The following ASXL3 variants were observed in gnomAD, a reference collection of about 807,000 sequenced individuals.
ASXL3 encodes the protein ASXL transcriptional regulator 3.
Under a neutral mutation model 170.6 loss-of-function variants are expected in ASXL3, and 34 were observed. That is an observed-to-expected ratio of 0.20 (90% confidence interval 0.15 to 0.27). ASXL3 has a LOEUF of 0.27. Among genes scored for constraint, ASXL3 ranks in the 10% least tolerant of loss-of-function variants. The probability of loss-of-function intolerance (pLI) is 1.00; values close to 1 mark genes in which losing one functional copy is unlikely to be tolerated. For synonymous variants in ASXL3, 1,002 were observed against 989.1 expected (o/e 1.01, Z -0.24); for missense variants, 2,592 against 2,695.3 (o/e 0.96, Z 0.85).
At chr18:33,657,002 C>T (rs2066094787) in intron 4 of ASXL3, among the ~76,000 whole-genome samples, 1 of 152,100 alleles carries the variant, frequency 6.6e-6, no homozygotes, top group South Asian at 2.1e-4. Flanking sequence ...ATCGACTGCT[C>T]TGTGCCCATC....
Position 33,743,340 on chromosome 18 carries a change from C to G in ASXL3, c.3492C>G (p.Asn1164Lys). 4 of 1,613,740 alleles carry G rather than the reference C, an allele frequency of 2.5e-6. No homozygotes were observed. Among genetic ancestry groups the G allele is most frequent in the Non-Finnish European group, 3.4e-6 (4 of 1,179,844 alleles). The change falls in exon 12 of 12, where the codon AAC becomes AAG. Residue 1164 changes from asparagine (N) to lysine (K), a missense_variant. Asn to Lys is a moderately conservative substitution (Grantham distance 94). Coordinates refer to ENST00000269197, the MANE Select transcript of ASXL3 (RefSeq NM_030632.3). ...GSTGVIIVNP[N>K]CRSPSNKSAH... Reference sequence around the variant, plus strand: ...CTGGTGTCATTATTGTCAATCCAAACTGTAGATCTCCTAGCAACAAGTCTG... The same window carrying G: ...CTGGTGTCATTATTGTCAATCCAAAGTGTAGATCTCCTAGCAACAAGTCTG...
At chr18:33,679,725 T>C (rs1057340269) in intron 7 of ASXL3, among the ~76,000 whole-genome samples, 5 of 152,066 alleles carry the variant, frequency 3.3e-5, no homozygotes, top group African/African-American at 9.7e-5. Context: ...ATCATTCTCT[T>C]TTCAGGTTAA....
chr18:33,601,785 G>GTATATATATATATATATATATATATA lies in ASXL3; in HGVS notation c.55-5799_55-5798insTATATATATATATATATATATATATA, dbSNP rs1555717840. Among the ~76,000 whole-genome samples the GTATATATATATATATATATATATATA allele has an allele frequency of 2.6e-3, 270 of 103,904 alleles. 24 individuals are homozygous for GTATATATATATATATATATATATATA. The highest frequency in any genetic ancestry group is 3.1e-3 in the African/African-American group (89 of 28,854). The allele number at this position is 103,904 out of a possible 152,430, so 68.2% of individuals were successfully genotyped here. A position where few individuals can be genotyped will look rare whatever the true frequency, so the allele number is the denominator to read the frequency against. On this transcript the variant is annotated intron_variant, in intron 1 of 11. Coordinates refer to ENST00000269197, the MANE Select transcript of ASXL3 (RefSeq NM_030632.3). ...TGAGAATTTAAGTAAATATCTGATT[G>GTATATATATATATATATATATATATA]TATATATATAGTTTGTTTGTTTTGA...
chr18:33,679,326 T>G (rs1478638139), intron 7 of ASXL3, among the ~76,000 whole-genome samples: 1 of 152,110 alleles, frequency 6.6e-6, no homozygotes, highest in African/African-American at 2.4e-5. Context: ...TTCAAACATA[T>G]GGAAAAATAC....
At chr18:33,700,406 C>T (rs2066850449) in intron 8 of ASXL3, among the ~76,000 whole-genome samples, 1 of 151,828 alleles carries the variant, frequency 6.6e-6, no homozygotes, top group South Asian at 2.1e-4. Flanking sequence ...TTTGAAGTTT[C>T]CTAGTGGAAA....
rs367566630 is a variant in ASXL3 at position 33,584,262 on chromosome 18, TG to T, written c.54+5584del. Among the ~76,000 whole-genome samples, 64 of 151,428 alleles carry T rather than the reference TG, an allele frequency of 4.2e-4. 1 individual carries two copies. The highest frequency in any genetic ancestry group is 2.4e-3 in the Admixed American group (37 of 15,194). On this transcript the variant is annotated intron_variant, in intron 1 of 11. Transcript: ENST00000269197. ...AGGAATCTAGAAATACCAGAAGACTTGGGGGGGCATAGGCACTGGGACAGAA... is the reference window on the plus strand; with the variant it reads ...AGGAATCTAGAAATACCAGAAGACTTGGGGGGCATAGGCACTGGGACAGAA...
intron 8 of ASXL3, among the ~76,000 whole-genome samples, chr18:33,689,788 A>G (rs1258531791): frequency 6.6e-6 from 1 of 152,094 alleles, no homozygotes; most frequent in Non-Finnish European, 1.5e-5. Flanking sequence ...ATTAAATAGT[A>G]TTTTGTGAGG....
chr18:33,739,052 A>G lies in ASXL3; in HGVS notation c.1648A>G (p.Met550Val), dbSNP rs570581126. Reference protein sequence around the residue: ...CDSLIPSTSSMTHVSDTEHKE... With the variant: ...CDSLIPSTSSVTHVSDTEHKE... ...CTCTCTTATTCCTTCCACTTCATCTATGACTCATGTCAGTGACACAGAACA... is the reference window on the plus strand; with the variant it reads ...CTCTCTTATTCCTTCCACTTCATCTGTGACTCATGTCAGTGACACAGAACA... Residue 550 changes from methionine (M) to valine (V), a missense_variant, in exon 11 of 12, where the codon ATG becomes GTG. Met to Val is a conservative substitution (Grantham distance 21, BLOSUM62 1). Around this residue, in one of 4 missense-constraint regions of ASXL3, gnomAD observed 2,246 missense variants for 2,219.6 expected, o/e 1.01. Coordinates refer to ENST00000269197, the MANE Select transcript of ASXL3 (RefSeq NM_030632.3). The G allele has an allele frequency of 6.2e-6, 10 of 1,613,466 alleles. No homozygotes were observed. Among genetic ancestry groups the G allele is most frequent in the Admixed American group, 3.3e-5 (2 of 59,922 alleles).
intron 4 of ASXL3, among the ~76,000 whole-genome samples, chr18:33,648,289 T>G (rs2065946963): frequency 6.6e-6 from 1 of 152,036 alleles, no homozygotes; most frequent in South Asian, 2.1e-4. Flanking sequence ...GTTGTTGATT[T>G]GAAGGAAAGT....
intron 7 of ASXL3, among the ~76,000 whole-genome samples, chr18:33,680,450 C>T (rs1312652638): frequency 6.6e-6 from 1 of 151,926 alleles, no homozygotes; most frequent in East Asian, 1.9e-4. Flanking sequence ...GTACAATGCC[C>T]TGTGTTAAAG....
At chr18:33,646,412 C>T in intron 4 of ASXL3, 59 bp downstream of exon 4, 2 of 1,203,280 alleles carry the variant, frequency 1.7e-6, no homozygotes, top group Admixed American at 2.2e-5. Flanking sequence ...ATATAGAATG[C>T]CAATGATTCA....
chr18:33,740,651 A>G (rs2067647455), intron 11 of ASXL3, among the ~76,000 whole-genome samples: 2 of 152,222 alleles, frequency 1.3e-5, no homozygotes, highest in Admixed American at 1.3e-4. Flanking sequence ...TAGACCCAGC[A>G]TTAAAGGAAA....
At chr18:33,586,949 A>G (rs1252742261) in intron 1 of ASXL3, among the ~76,000 whole-genome samples, 1 of 152,202 alleles carries the variant, frequency 6.6e-6, no homozygotes, top group African/African-American at 2.4e-5. Context: ...AGAAAGTGGT[A>G]GAGTCTGTCT....
chr18:33,612,475 A>G (rs937989674), intron 2 of ASXL3, among the ~76,000 whole-genome samples: 6 of 151,998 alleles, frequency 3.9e-5, no homozygotes, highest in Non-Finnish European at 7.4e-5. Flanking sequence ...GACATCCCAG[A>G]TTTTGTCATT....
intron 2 of ASXL3, chr18:33,608,936 A>G (rs2065291581): frequency 1.5e-6 from 1 of 651,472 alleles, no homozygotes. Flanking sequence ...GGCGTACAGG[A>G]CACCTATGCT....
intron 4 of ASXL3, among the ~76,000 whole-genome samples, chr18:33,655,432 G>GA (rs757743325): frequency 8.1e-4 from 123 of 151,960 alleles, no homozygotes; most frequent in Admixed American, 2.3e-3. Context: ...AGGGTCTTAG[G>GA]AAAAAATTGC....
At chr18:33,668,573 C>CA (rs1213335721) in intron 5 of ASXL3, among the ~76,000 whole-genome samples, 3 of 152,032 alleles carry the variant, frequency 2.0e-5, no homozygotes, top group Non-Finnish European at 2.9e-5. Context: ...GACATATATT[C>CA]AAAAAACATC....
intron 8 of ASXL3, among the ~76,000 whole-genome samples, chr18:33,716,090 TTAATGG>T (rs1456173169): frequency 6.6e-6 from 1 of 152,224 alleles, no homozygotes; most frequent in Non-Finnish European, 1.5e-5. Flanking sequence ...ATTCTGGCCT[TTAATGG>T]TAAGTTGAGA....
chr18:33,629,495 A>T (rs2065646875), intron 2 of ASXL3, among the ~76,000 whole-genome samples: 1 of 152,112 alleles, frequency 6.6e-6, no homozygotes, highest in Non-Finnish European at 1.5e-5. Context: ...GTTCTCTATA[A>T]TTTTAGCCAT....
Sources: allele counts gnomAD v4.1 joint callset (sites outside exome capture counted in the v4.1 genomes callset), GRCh38; gene constraint gnomAD v4.1.1; regional missense constraint gnomAD v4.1.1; transcripts MANE v1.5; gene names NCBI Gene and HGNC (gene_info 2026-07-23, HGNC 2026-07-21).